ANKIB1: variants seen among roughly 807,000 people sequenced by gnomAD.
The protein encoded by ANKIB1 is ankyrin repeat and IBR domain containing 1.
In ANKIB1, 43 loss-of-function variants were observed where a neutral mutation model predicts 122.1. The observed-to-expected ratio is 0.35, with a 90% CI of 0.28 to 0.45. The LOEUF (loss-of-function observed/expected upper bound fraction) is 0.45. ANKIB1 is among the 20% of genes least tolerant of loss of function. ANKIB1 has a pLI of 1.00. For missense variants in ANKIB1, 992 were observed against 1,329.5 expected, an observed-to-expected ratio of 0.75 and a Z score of 3.95; for synonymous variants, 390 against 442.0, an observed-to-expected ratio of 0.88 and a Z score of 1.48.
chr7:92,399,493 ATTAGTT>A lies in ANKIB1; in HGVS notation c.*548_*553del, dbSNP rs1804971937. On this transcript the variant is annotated 3_prime_UTR_variant, in exon 20 of 20. Coordinates refer to ENST00000265742, the MANE Select transcript of ANKIB1 (RefSeq NM_019004.2). ...TTAGTACCACATCTACCATAGTGTA[ATTAGTT>A]TTAATTTTCACATGAATCAAAGGTT... The A allele has an allele frequency of 6.6e-6, 1 of 152,118 alleles. No individual in the cohort carries two copies. The highest frequency in any genetic ancestry group is 2.4e-5 in the African/African-American group (1 of 41,408). 9.4% of individuals were successfully genotyped at this position (152,118 alleles called of 1,614,324 possible).
At chr7:92,326,400 C>G (rs1296401042) in intron 4 of ANKIB1, among the ~76,000 whole-genome samples, 3 of 152,146 alleles carry the variant, frequency 2.0e-5, no homozygotes, top group Non-Finnish European at 4.4e-5. Flanking sequence ...ACCATTTTCT[C>G]TCTCCCTATT....
rs552461579 is a variant in ANKIB1 at position 92,329,711 on chromosome 7, A to G, written c.787+1811A>G. ...TTTCCTAGCCAGAAACTTGAAAGTC[A>G]TATTTTAGTCCTCTGTCTCTCTTAT... On this transcript the variant is annotated intron_variant, in intron 5 of 19. Transcript: ENST00000265742. Among the ~76,000 whole-genome samples the G allele has an allele frequency of 1.8e-3, 270 of 152,310 alleles. 1 individual carries two copies. The highest frequency in any genetic ancestry group is 2.4e-3 in the Non-Finnish European group (165 of 68,024).
chr7:92,285,070 A>AT (rs1016633575), intron 1 of ANKIB1, among the ~76,000 whole-genome samples: 5 of 151,948 alleles, frequency 3.3e-5, no homozygotes, highest in Non-Finnish European at 5.9e-5. Flanking sequence ...GGCTAGGTAG[A>AT]TTTTTTTATT....
chr7:92,397,672 T>G, intron 18 of ANKIB1, 51 bp from the exon 19 acceptor site: 4 of 1,599,400 alleles, frequency 2.5e-6, no homozygotes, highest in South Asian at 1.1e-5. Context: ...AAAAAATAAA[T>G]AAGTCTTATT....
At chr7:92,300,569 G>T (rs1209488892) in intron 2 of ANKIB1, among the ~76,000 whole-genome samples, 1 of 151,704 alleles carries the variant, frequency 6.6e-6, no homozygotes, top group East Asian at 1.9e-4. Flanking sequence ...GTTTATTTAG[G>T]TATAGTTGAC....
rs773462184 is a variant in ANKIB1 at position 92,246,447 on chromosome 7, G to C, written c.-163G>C. ...CTGAGGTCACCAGCTCGGCTGTAGA[G>C]GCAGGGGCGGCGGAGGCGGAACTGC... On this transcript the variant is annotated 5_prime_UTR_variant, in exon 1 of 20. Coordinates refer to ENST00000265742, the MANE Select transcript of ANKIB1 (RefSeq NM_019004.2). 1.9e-6 allele frequency: 1 copy of C among 517,516 alleles called. No homozygotes were observed. The highest frequency in any genetic ancestry group is 1.4e-5 in the South Asian group (1 of 71,382). The allele number at this position is 517,516 out of a possible 1,614,324, so 32.1% of individuals were successfully genotyped here.
intron 11 of ANKIB1, among the ~76,000 whole-genome samples, chr7:92,384,634 GA>G (rs1237416466): frequency 6.6e-6 from 1 of 152,160 alleles, no homozygotes; most frequent in African/African-American, 2.4e-5. Flanking sequence ...AAGAAATGGG[GA>G]AAGGATTCCC....
intron 5 of ANKIB1, 69 bp from the exon 6 acceptor site, chr7:92,342,955 T>A: frequency 7.0e-7 from 1 of 1,419,600 alleles, no homozygotes; most frequent in Non-Finnish European, 9.9e-7. Context: ...ATATTTTTGT[T>A]ATTATATAGC....
chr7:92,316,702 G>A (rs2013491), intron 3 of ANKIB1, among the ~76,000 whole-genome samples: 140,587 of 152,240 alleles, frequency 0.92, 65,260 homozygotes, highest in African/African-American at 0.97. Flanking sequence ...TACCTTCAAC[G>A]ATGACTTCTC....
At chr7:92,384,304 T>G (rs1804584456) in intron 11 of ANKIB1, among the ~76,000 whole-genome samples, 2 of 152,168 alleles carry the variant, frequency 1.3e-5, no homozygotes, top group Admixed American at 1.3e-4. Flanking sequence ...AAAATGTCCA[T>G]ACTGCCCAAG....
chr7:92,364,801 A>C (rs772372860), intron 10 of ANKIB1, among the ~76,000 whole-genome samples: 1 of 152,214 alleles, frequency 6.6e-6, no homozygotes, highest in Non-Finnish European at 1.5e-5. Flanking sequence ...ATAACTGATG[A>C]GTATGAAGGG....
chr7:92,259,873 C>T (rs971084335), intron 1 of ANKIB1, among the ~76,000 whole-genome samples: 6 of 152,070 alleles, frequency 3.9e-5, no homozygotes, highest in African/African-American at 1.4e-4. Flanking sequence ...TCCAATCTGT[C>T]AGCAATTTTT....
chr7:92,250,249 C>T lies in ANKIB1; in HGVS notation c.-91+3730C>T, dbSNP rs189689342. Among the ~76,000 whole-genome samples the T allele has an allele frequency of 3.0e-3, 452 of 151,844 alleles. 3 individuals are homozygous for T. The highest frequency in any genetic ancestry group is 0.011 in the African/African-American group (440 of 41,368). On this transcript the variant is annotated intron_variant, in intron 1 of 19. Coordinates refer to ENST00000265742, the MANE Select transcript of ANKIB1 (RefSeq NM_019004.2). Reference sequence around the variant, plus strand: ...TCTCTACTAAAAATGCAAAATTAGCCGAGCGTGGTGGCACATGCCTGTAAT... The same window carrying T: ...TCTCTACTAAAAATGCAAAATTAGCTGAGCGTGGTGGCACATGCCTGTAAT...
At chr7:92,322,558 C>A (rs1439293756) in intron 4 of ANKIB1, among the ~76,000 whole-genome samples, 1 of 152,042 alleles carries the variant, frequency 6.6e-6, no homozygotes, top group Non-Finnish European at 1.5e-5. Flanking sequence ...CGAGTGGTAA[C>A]AGTTTCTTAA....
intron 4 of ANKIB1, among the ~76,000 whole-genome samples, chr7:92,326,326 C>T (rs1162017932): frequency 1.3e-5 from 2 of 152,088 alleles, no homozygotes; most frequent in Non-Finnish European, 2.9e-5. Flanking sequence ...CTAATTTTCC[C>T]CTATAAGTTA....
At chr7:92,287,209 T>C (rs80231664) in intron 1 of ANKIB1, among the ~76,000 whole-genome samples, 14,284 of 152,288 alleles carry the variant, frequency 0.094, 890 homozygotes, top group East Asian at 0.36. Flanking sequence ...AACTAAACTA[T>C]TTACTGTGTT....
At chr7:92,301,674 A>T (rs540823369) in intron 2 of ANKIB1, among the ~76,000 whole-genome samples, 4 of 152,282 alleles carry the variant, frequency 2.6e-5, no homozygotes, top group South Asian at 2.1e-4. Flanking sequence ...TAAATGATTA[A>T]TTGATTTTGG....
At chr7:92,295,927 A>G (rs1802345046) in intron 2 of ANKIB1, among the ~76,000 whole-genome samples, 1 of 152,182 alleles carries the variant, frequency 6.6e-6, no homozygotes, top group African/African-American at 2.4e-5. Flanking sequence ...TTAGAAGTAG[A>G]TTATGCAGGT....
At chr7:92,281,264 T>C (rs1345783764) in intron 1 of ANKIB1, among the ~76,000 whole-genome samples, 1 of 152,212 alleles carries the variant, frequency 6.6e-6, no homozygotes, top group Non-Finnish European at 1.5e-5. Context: ...ATAGGTACCT[T>C]CTAACTAGCA....
Sources: gnomAD v4.1 joint callset for allele counts (sites outside exome capture counted in the v4.1 genomes callset) on GRCh38, gnomAD v4.1.1 for gene constraint, MANE v1.5 for transcripts, NCBI Gene and HGNC (gene_info 2026-07-23, HGNC 2026-07-21) for gene names.